Variants in UGT1A4 observed in about 807,000 individuals in gnomAD.
UGT1A4 encodes the protein UDP glucuronosyltransferase family 1 member A4.
Under a neutral mutation model 41.1 loss-of-function variants are expected in UGT1A4, and 32 were observed. The ratio of observed to expected loss-of-function variants is 0.78; its 90% CI spans 0.59 to 1.05. UGT1A4 has a LOEUF of 1.05. Ranked by LOEUF, UGT1A4 falls within the 50% of genes least tolerant of loss-of-function variation. The probability of loss-of-function intolerance (pLI) is 0.00; values close to 1 mark genes in which losing one functional copy is unlikely to be tolerated. For synonymous variants in UGT1A4, 283 were observed against 265.1 expected (o/e 1.07, Z -0.66); for missense variants, 748 against 677.4 (o/e 1.10, Z -1.16).
chr2:233,771,639 T>G (rs1180975336), intron 4 of UGT1A4: 1 of 152,344 alleles, frequency 6.6e-6, no homozygotes, highest in African/African-American at 2.4e-5. Flanking sequence ...TTTATTTTAC[T>G]GTATGAAAAT....
intron 1 of UGT1A4, among the ~76,000 whole-genome samples, chr2:233,722,821 T>C (rs1575543414): frequency 6.6e-6 from 1 of 151,782 alleles, no homozygotes; most frequent in African/African-American, 2.4e-5. Flanking sequence ...TTTCAAGTTA[T>C]TTTGTATTAT....
intron 1 of UGT1A4, chr2:233,743,631 G>A: frequency 7.3e-7 from 1 of 1,367,310 alleles, no homozygotes; most frequent in South Asian, 1.1e-5. Flanking sequence ...ACGTCGGCTG[G>A]GTCGCGGAAG....
At chr2:233,763,924 T>C (rs1294643853) in intron 1 of UGT1A4, among the ~76,000 whole-genome samples, 1 of 152,112 alleles carries the variant, frequency 6.6e-6, no homozygotes, top group African/African-American at 2.4e-5. Context: ...GGCTTCGAGA[T>C]GGCCAGGAGA....
intron 1 of UGT1A4, chr2:233,748,094 C>T: frequency 6.2e-7 from 1 of 1,612,860 alleles, no homozygotes; most frequent in Non-Finnish European, 8.5e-7. Flanking sequence ...GTGTTCGTGC[C>T]TTCATCCAAT....
rs373771428 is a variant in UGT1A4 at position 233,743,798 on chromosome 2, T to A, written c.868-23236T>A. The A allele has an allele frequency of 5.3e-5, 73 of 1,367,294 alleles. No homozygotes were observed. The East Asian group carries it at 1.4e-3, about 26-fold the overall frequency. 84.7% of individuals were successfully genotyped at this position (1,367,294 alleles called of 1,614,324 possible). A position where few individuals can be genotyped will look rare whatever the true frequency, so the allele number is the denominator to read the frequency against. On this transcript the variant is annotated intron_variant, in intron 1 of 4. Transcript: ENST00000373409. ...CTGCTTGAATCTCCTCTCCGCTTCC[T>A]CCTTGTTCTCAGGGTTTTTGTCGGG...
Position 233,769,622 on chromosome 2 carries a change from G to A in UGT1A4, c.1307+1183G>A, listed in dbSNP as rs926017310. 24 of 1,612,268 alleles carry A rather than the reference G, an allele frequency of 1.5e-5. No homozygotes were observed. Among genetic ancestry groups the A allele is most frequent in the Non-Finnish European group, 1.8e-5 (21 of 1,179,686 alleles). ...CACGGGGACACACCAGCTTGAGCAAGGGACAACAGGGGAGGACTGATGACT... is the reference window on the plus strand; with the variant it reads ...CACGGGGACACACCAGCTTGAGCAAAGGACAACAGGGGAGGACTGATGACT... On this transcript the variant is annotated intron_variant, in intron 4 of 4. Transcript: ENST00000373409. The surrounding 1 kb of genome is among the most constrained non-coding windows in gnomAD (Gnocchi z 4.4).
intron 1 of UGT1A4, among the ~76,000 whole-genome samples, chr2:233,757,337 A>G (rs1976391): frequency 0.35 from 51,596 of 146,046 alleles, 9,773 homozygotes; most frequent in African/African-American, 0.44. Context: ...TGGGACCATG[A>G]CAGCTGGGTC....
intron 1 of UGT1A4, chr2:233,753,657 TTGTG>T (rs1007260491): frequency 1.3e-5 from 2 of 152,228 alleles, no homozygotes; most frequent in African/African-American, 4.8e-5. Context: ...ACTTTCTCAA[TTGTG>T]TGTATGGTGC....
Position 233,719,235 on chromosome 2 carries a change from AG to A in UGT1A4, c.417del (p.Arg139SerfsTer3). 1 of 1,614,202 alleles carries A rather than the reference AG, an allele frequency of 6.2e-7. No homozygotes were observed. Among genetic ancestry groups the A allele is most frequent in the Non-Finnish European group, 8.5e-7 (1 of 1,180,038 alleles). ...VELLHNEALI[R>X]HLNATSFDVV... is the part of the protein sequence containing the mutation. Reference sequence around the variant, plus strand: ...GCTACTGCATAATGAGGCCCTGATCAGGCACCTGAATGCTACTTCCTTTGAT... The same window carrying A: ...GCTACTGCATAATGAGGCCCTGATCAGCACCTGAATGCTACTTCCTTTGAT... On this transcript the variant is annotated frameshift_variant, in exon 1 of 5. Coordinates refer to ENST00000373409, the MANE Select transcript of UGT1A4 (RefSeq NM_007120.3). LOFTEE classifies it high-confidence loss of function.
At chr2:233,751,513 GC>G (rs1314073844) in intron 1 of UGT1A4, among the ~76,000 whole-genome samples, 4 of 152,198 alleles carry the variant, frequency 2.6e-5, no homozygotes, top group African/African-American at 9.6e-5. Context: ...GGGCCAGAGG[GC>G]AGAATGATAT....
intron 1 of UGT1A4, chr2:233,747,857 C>A (rs1438723140): frequency 6.2e-7 from 1 of 1,613,396 alleles, no homozygotes; most frequent in Non-Finnish European, 8.5e-7. Context: ...AGAACATGCT[C>A]TACCCTCTGG....
chr2:233,737,179 C>T (rs2078848793), intron 1 of UGT1A4, among the ~76,000 whole-genome samples: 1 of 152,230 alleles, frequency 6.6e-6, no homozygotes, highest in South Asian at 2.1e-4. Context: ...TCTATAGCGG[C>T]AGTAGCCCTT....
intron 1 of UGT1A4, among the ~76,000 whole-genome samples, 196 bp from the exon 2 acceptor site, chr2:233,766,838 C>CCCTTCCTCCTTTAGAAG (rs1182719018): frequency 3.9e-5 from 6 of 152,156 alleles, no homozygotes; most frequent in African/African-American, 1.2e-4. Context: ...TAAGCAGGAA[C>CCCTTCCTCCTTTAGAAG]CCTTCCTCCT....
intron 4 of UGT1A4, chr2:233,770,766 A>G (rs1416026522): frequency 6.6e-6 from 1 of 152,230 alleles, no homozygotes; most frequent in Non-Finnish European, 1.5e-5. Context: ...TTACATTATA[A>G]TAATGTTTCC....
rs538829256 is a variant in UGT1A4 at position 233,747,779 on chromosome 2, T to C, written c.868-19255T>C. 9.3e-4 allele frequency: 1,506 copies of C among 1,613,500 alleles called. 1 individual carries two copies. The highest frequency in any genetic ancestry group is 1.2e-3 in the Non-Finnish European group (1,364 of 1,179,858). On this transcript the variant is annotated intron_variant, in intron 1 of 4. Coordinates refer to ENST00000373409, the MANE Select transcript of UGT1A4 (RefSeq NM_007120.3). ...ACTTTAAGGGCACACAGTGTCCAAA[T>C]CCTTCCTCCTATATTCCTAAGTTAC...
chr2:233,760,957 G>A (rs775797489), intron 1 of UGT1A4: 40 of 1,614,066 alleles, frequency 2.5e-5, no homozygotes, highest in Admixed American at 3.3e-5. Flanking sequence ...CTTTCTGTGC[G>A]ACGTGGTTTA....
At chr2:233,750,620 T>A (rs1476116797) in intron 1 of UGT1A4, 1 of 151,688 alleles carries the variant, frequency 6.6e-6, no homozygotes, top group Non-Finnish European at 1.5e-5. Flanking sequence ...GTGGGCTGGG[T>A]CCATGCTCCC....
At chr2:233,740,611 T>C (rs1203894418) in intron 1 of UGT1A4, 1 of 151,850 alleles carries the variant, frequency 6.6e-6, no homozygotes, top group Non-Finnish European at 1.5e-5. Flanking sequence ...TCCAGGTCTC[T>C]TGGGGCTCAC....
chr2:233,736,099 G>A (rs1234908815), intron 1 of UGT1A4, among the ~76,000 whole-genome samples: 3 of 152,216 alleles, frequency 2.0e-5, no homozygotes, highest in African/African-American at 7.2e-5. Context: ...ATATCCTGAA[G>A]AGTGTTTTCC....
Sources: gnomAD v4.1 joint callset for allele counts (sites outside exome capture counted in the v4.1 genomes callset) on GRCh38, gnomAD v4.1.1 for gene constraint, Gnocchi (gnomAD v3.1) non-coding constraint, MANE v1.5 for transcripts, NCBI Gene and HGNC (gene_info 2026-07-23, HGNC 2026-07-21) for gene names.